The following PPA1 variants were observed in gnomAD, a reference collection of about 807,000 sequenced individuals.
PPA1 encodes the protein inorganic pyrophosphatase.
A neutral mutation model predicts 41.8 loss-of-function variants in PPA1; 23 were observed. That is an observed-to-expected ratio of 0.55 (90% CI 0.40 to 0.78). The LOEUF is 0.78. Ranked by LOEUF, PPA1 falls within the 30% of genes least tolerant of loss-of-function variation. PPA1 has a pLI of 0.00. For synonymous variants in PPA1, 101 were observed against 116.8 expected (o/e 0.86, Z 0.87); for missense variants, 320 against 361.6 (o/e 0.89, Z 0.93).
Position 70,214,829 on chromosome 10 carries a change from G to A in PPA1, c.298-243C>T, listed in dbSNP as rs183550562. Reference sequence around the variant, plus strand: ...CAGATAATGATCCTATTTAAAACAAGCAAAAGCCAACTACTCAATAACTGA... The same window carrying A: ...CAGATAATGATCCTATTTAAAACAAACAAAAGCCAACTACTCAATAACTGA... On this transcript the variant is annotated intron_variant, in intron 4 of 10. Coordinates refer to ENST00000373232, the MANE Select transcript of PPA1 (RefSeq NM_021129.4). Among the ~76,000 whole-genome samples, 39 of 152,224 alleles carry A rather than the reference G, an allele frequency of 2.6e-4. No homozygotes were observed. In the South Asian group the frequency reaches 4.1e-3, roughly 16 times the overall value.
chr10:70,222,450 C>CCAG (rs1453199216), intron 2 of PPA1, among the ~76,000 whole-genome samples: 1 of 151,804 alleles, frequency 6.6e-6, no homozygotes, highest in Non-Finnish European at 1.5e-5. Context: ...TTGTGAACCA[C>CCAG]CAGGATGTGC....
At chr10:70,226,542 C>A (rs940746048) in intron 2 of PPA1, among the ~76,000 whole-genome samples, 2 of 151,010 alleles carry the variant, frequency 1.3e-5, no homozygotes, top group Non-Finnish European at 2.9e-5. Flanking sequence ...CAGAGTGAGA[C>A]CCTGTCTTAA....
In PPA1 at chr10:70,233,288, A is replaced by C. The variant is rs1840313137; in HGVS notation, c.40T>G (p.Ser14Ala). The change falls in exon 1 of 11, where the codon TCC becomes GCC. Residue 14 changes from serine (S) to alanine (A), a missense_variant. Physicochemically the swap from Ser to Ala is moderately conservative, Grantham distance 99. Transcript: ENST00000373232. ...CTGAGGAAGACTCGGTACTCCAGGG[A>C]GAAGGGCGCGGCGCGCTCCTCGGTG... ...FSTEERAAPF[S>A]LEYRVFLKNE... is the part of the protein sequence containing the mutation. 2 of 1,543,090 alleles carry C rather than the reference A, an allele frequency of 1.3e-6. No homozygotes were observed. The highest frequency in any genetic ancestry group is 2.4e-5 in the South Asian group (2 of 82,986).
intron 10 of PPA1, chr10:70,203,984 T>C (rs1227843517): frequency 6.6e-6 from 1 of 152,392 alleles, no homozygotes; most frequent in Non-Finnish European, 1.5e-5. Context: ...CCACGTACAC[T>C]ACAGAATTCT....
intron 6 of PPA1, among the ~76,000 whole-genome samples, chr10:70,212,213 C>G (rs925476609): frequency 3.3e-5 from 5 of 152,204 alleles, no homozygotes; most frequent in Non-Finnish European, 5.9e-5. Context: ...TATTCTTCCT[C>G]ATTTGTCTAT....
intron 10 of PPA1, chr10:70,203,800 T>C (rs1839906552): frequency 6.6e-6 from 1 of 152,392 alleles, no homozygotes; most frequent in Non-Finnish European, 1.5e-5. Context: ...AACTGTTTTC[T>C]GGGTGAAGCA....
chr10:70,221,427 T>C (rs1235333054), intron 2 of PPA1, among the ~76,000 whole-genome samples: 1 of 151,904 alleles, frequency 6.6e-6, no homozygotes, highest in East Asian at 1.9e-4. Context: ...CAATACAACA[T>C]AAAAACCAAA....
intron 10 of PPA1, chr10:70,204,228 C>T (rs1839912156): frequency 2.0e-5 from 3 of 152,086 alleles, no homozygotes; most frequent in South Asian, 2.1e-4. Flanking sequence ...TCTATCTCTA[C>T]AAATTATAAA....
At chr10:70,229,240 A>G (rs1286703544) in intron 2 of PPA1, among the ~76,000 whole-genome samples, 1 of 152,204 alleles carries the variant, frequency 6.6e-6, no homozygotes, top group Non-Finnish European at 1.5e-5. Context: ...AAAAATGAAA[A>G]TAAAACCAAG....
At chr10:70,227,783 T>C (rs1202584425) in intron 2 of PPA1, among the ~76,000 whole-genome samples, 1 of 151,794 alleles carries the variant, frequency 6.6e-6, no homozygotes, top group Non-Finnish European at 1.5e-5. Flanking sequence ...TAAAGGTACA[T>C]GCTCACTAGA....
At chr10:70,205,610 G>C (rs1436705921) in intron 9 of PPA1, 1 of 151,944 alleles carries the variant, frequency 6.6e-6, no homozygotes, top group Non-Finnish European at 1.5e-5. Flanking sequence ...CATAAATAAA[G>C]ATAAAACTAA....
At chr10:70,204,761 A>C (rs1399112357) in intron 10 of PPA1, 112 bp downstream of exon 10, 2 of 862,020 alleles carry the variant, frequency 2.3e-6, no homozygotes, top group Non-Finnish European at 3.6e-6. Context: ...AAAACATCAC[A>C]CTGTACCCAT....
chr10:70,225,412 A>C (rs935159116), intron 2 of PPA1, among the ~76,000 whole-genome samples: 3 of 151,784 alleles, frequency 2.0e-5, no homozygotes, highest in South Asian at 2.1e-4. Flanking sequence ...ACCGGGTTTC[A>C]CCATGTTGCT....
intron 9 of PPA1, 133 bp from the exon 10 acceptor site, chr10:70,205,048 T>C (rs1163520678): frequency 2.0e-5 from 13 of 638,988 alleles, no homozygotes; most frequent in Admixed American, 3.0e-5. Flanking sequence ...TTATAATATA[T>C]AGGAACAATA....
At chr10:70,208,684 T>C (rs1839978124) in intron 8 of PPA1, among the ~76,000 whole-genome samples, 1 of 152,186 alleles carries the variant, frequency 6.6e-6, no homozygotes, top group Non-Finnish European at 1.5e-5. Flanking sequence ...TTCTCCATTT[T>C]TCTTCTGTTT....
At chr10:70,208,341 C>CT (rs553464603) in intron 8 of PPA1, among the ~76,000 whole-genome samples, 5 of 149,340 alleles carry the variant, frequency 3.3e-5, no homozygotes, top group Non-Finnish European at 4.5e-5. Context: ...AATCTTTTTC[C>CT]TTTTTTTTTT....
intron 1 of PPA1, among the ~76,000 whole-genome samples, chr10:70,231,755 ATTTC>A (rs1407882498): frequency 7.9e-5 from 12 of 151,946 alleles, no homozygotes; most frequent in African/African-American, 2.9e-4. Context: ...AATTATTAGT[ATTTC>A]TTAAGTTCCA....
intron 10 of PPA1, chr10:70,204,408 A>G (rs1839914263): frequency 6.5e-6 from 1 of 153,122 alleles, no homozygotes; most frequent in South Asian, 2.1e-4. Flanking sequence ...GTGTCAAAAA[A>G]CAAAAAACAA....
chr10:70,210,234 G>A (rs1420337571), intron 6 of PPA1: 16 of 460,528 alleles, frequency 3.5e-5, no homozygotes, highest in South Asian at 1.9e-4. Flanking sequence ...GCATGCACAC[G>A]CCCAGCTAAT....
Sources: allele counts gnomAD v4.1 joint callset (sites outside exome capture counted in the v4.1 genomes callset), GRCh38; gene constraint gnomAD v4.1.1; transcripts MANE v1.5; gene names NCBI Gene and HGNC (gene_info 2026-07-23, HGNC 2026-07-21).